The following PTPRD variants were observed in gnomAD, a reference collection of about 807,000 sequenced individuals.
PTPRD encodes the protein receptor-type tyrosine-protein phosphatase delta.
Under a neutral mutation model 214.5 loss-of-function variants are expected in PTPRD, and 34 were observed. The ratio of observed to expected loss-of-function variants is 0.16; its 90% CI spans 0.12 to 0.21. The LOEUF (loss-of-function observed/expected upper bound fraction) is 0.21. Among genes scored for constraint, PTPRD ranks in the 10% least tolerant of loss-of-function variants. PTPRD has a pLI of 1.00. For synonymous variants in PTPRD, 1,128 were observed against 845.7 expected (o/e 1.33, Z -5.79); for missense variants, 2,545 against 2,398.7 (o/e 1.06, Z -1.27).
intron 4 of PTPRD, among the ~76,000 whole-genome samples, chr9:9,998,125 A>ATATATATATAT (rs1286206158): frequency 1.6e-4 from 8 of 48,544 alleles, no homozygotes; most frequent in African/African-American, 6.6e-4. Context: ...TAAAAAAAAA[A>ATATATATATAT]AAAAATATAT....
chr9:8,780,032 T>C (rs1225850613), intron 11 of PTPRD, among the ~76,000 whole-genome samples: 1 of 150,730 alleles, frequency 6.6e-6, no homozygotes, highest in Non-Finnish European at 1.5e-5. Flanking sequence ...AGTTAAAGTG[T>C]CAAACATTCA....
intron 2 of PTPRD, among the ~76,000 whole-genome samples, chr9:10,558,906 T>C (rs1476379767): frequency 6.6e-6 from 1 of 152,108 alleles, no homozygotes; most frequent in Non-Finnish European, 1.5e-5. Context: ...TTTTCACACA[T>C]CTTGTTAGGA....
At chr9:9,500,568 T>G (rs1004388615) in intron 8 of PTPRD, among the ~76,000 whole-genome samples, 1 of 151,090 alleles carries the variant, frequency 6.6e-6, no homozygotes, top group Non-Finnish European at 1.5e-5. Flanking sequence ...CACGGAGGCT[T>G]GAGAGTGGGT....
At chr9:9,577,650 T>G (rs147464595) in intron 7 of PTPRD, among the ~76,000 whole-genome samples, 184 of 152,266 alleles carry the variant, frequency 1.2e-3, no homozygotes, top group African/African-American at 4.2e-3. Flanking sequence ...AGATTTATGA[T>G]GAATGACCAG....
intron 7 of PTPRD, among the ~76,000 whole-genome samples, chr9:9,604,097 T>C (rs1266874012): frequency 6.6e-6 from 1 of 152,080 alleles, no homozygotes; most frequent in African/African-American, 2.4e-5. Flanking sequence ...TTTCTTTTTT[T>C]TCTGGGAAAA....
chr9:10,513,855 T>G (rs545702816), intron 2 of PTPRD, among the ~76,000 whole-genome samples: 1 of 152,240 alleles, frequency 6.6e-6, no homozygotes, highest in East Asian at 1.9e-4. Flanking sequence ...CAGCATAACC[T>G]AGGCCTCCTG....
chr9:9,059,512 G>A (rs1240778975), intron 10 of PTPRD, among the ~76,000 whole-genome samples: 1 of 152,094 alleles, frequency 6.6e-6, no homozygotes, highest in Non-Finnish European at 1.5e-5. Flanking sequence ...ACCATGAATG[G>A]ACACAGTTAG....
At chr9:8,599,763 G>A (rs924690170) in intron 14 of PTPRD, among the ~76,000 whole-genome samples, 5 of 151,694 alleles carry the variant, frequency 3.3e-5, no homozygotes, top group Non-Finnish European at 7.4e-5. Context: ...GATTACAGGC[G>A]TGCGCCACCA....
intron 5 of PTPRD, among the ~76,000 whole-genome samples, chr9:9,919,490 C>T (rs1230721185): frequency 6.6e-6 from 1 of 152,132 alleles, no homozygotes; most frequent in African/African-American, 2.4e-5. Context: ...TGGAGTCCTG[C>T]ATGTGCCGCA....
At chr9:9,327,553 A>C (rs2040476486) in intron 9 of PTPRD, among the ~76,000 whole-genome samples, 1 of 152,194 alleles carries the variant, frequency 6.6e-6, no homozygotes, top group African/African-American at 2.4e-5. Flanking sequence ...AGCACTTTTA[A>C]ACAGCCATAT....
Position 10,389,221 on chromosome 9 carries a change from T to C in PTPRD, c.-599-48204A>G, listed in dbSNP as rs944175334. 3.3e-5 allele frequency among the ~76,000 whole-genome samples: 5 copies of C among 151,868 alleles called. No individual in the cohort carries two copies. The East Asian group carries it at 9.7e-4, about 29-fold the overall frequency. On this transcript the variant is annotated intron_variant, in intron 2 of 45. Transcript: ENST00000381196. The stretch of plus-strand genomic sequence containing the variant: ...CCATATAATCATGTTTTTCACACAT[T>C]ATTTTGTGCTATCACAATGAAAGGT...
chr9:8,933,340 G>GTTTTGTT (rs2098966631), intron 11 of PTPRD, among the ~76,000 whole-genome samples: 2 of 80,428 alleles, frequency 2.5e-5, no homozygotes, highest in African/African-American at 1.0e-4. Flanking sequence ...CAACCTTGAG[G>GTTTTGTT]TTTTTTTTTT....
intron 5 of PTPRD, among the ~76,000 whole-genome samples, chr9:9,810,133 TAAAAAA>T (rs3050106): frequency 5.5e-5 from 6 of 108,540 alleles, no homozygotes; most frequent in African/African-American, 1.3e-4. Flanking sequence ...ACTTCCAGGT[TAAAAAA>T]AAAAAAAAAA....
intron 11 of PTPRD, among the ~76,000 whole-genome samples, chr9:8,746,186 A>G (rs566473075): frequency 1.3e-5 from 2 of 152,248 alleles, no homozygotes; most frequent in East Asian, 3.9e-4. Context: ...TTCTGAATTC[A>G]CAGAGTTATA....
chr9:8,633,931 A>G (rs566890491), intron 13 of PTPRD, among the ~76,000 whole-genome samples: 2 of 152,198 alleles, frequency 1.3e-5, no homozygotes, highest in Admixed American at 1.3e-4. Flanking sequence ...CCTGAACAGT[A>G]TAGATAGGCA....
At chr9:9,048,522 G>C (rs1211926200) in intron 10 of PTPRD, among the ~76,000 whole-genome samples, 6 of 152,150 alleles carry the variant, frequency 3.9e-5, no homozygotes, top group African/African-American at 1.4e-4. Flanking sequence ...TGGAACTGGA[G>C]ATTATTATGA....
At chr9:10,370,884 C>A (rs2097598894) in intron 2 of PTPRD, among the ~76,000 whole-genome samples, 1 of 151,952 alleles carries the variant, frequency 6.6e-6, no homozygotes, top group Admixed American at 6.6e-5. Flanking sequence ...ATAATCCTCA[C>A]CCCTGGTCTG....
intron 10 of PTPRD, among the ~76,000 whole-genome samples, chr9:9,061,480 C>T (rs2099707285): frequency 6.6e-6 from 1 of 152,086 alleles, no homozygotes; most frequent in Non-Finnish European, 1.5e-5. Context: ...AGCTTCAGAG[C>T]AGTTACTGTA....
chr9:9,637,591 C>T (rs983269845), intron 7 of PTPRD, among the ~76,000 whole-genome samples: 7 of 152,194 alleles, frequency 4.6e-5, no homozygotes, highest in South Asian at 2.1e-4. Flanking sequence ...GGCAGCTCCC[C>T]GCATATGGCT....
Sources: gnomAD v4.1 joint callset for allele counts (sites outside exome capture counted in the v4.1 genomes callset) on GRCh38, gnomAD v4.1.1 for gene constraint, MANE v1.5 for transcripts, NCBI Gene and HGNC (gene_info 2026-07-23, HGNC 2026-07-21) for gene names.